Variants in MCC observed in about 807,000 individuals in gnomAD.
MCC encodes the protein MCC regulator of Wnt signaling pathway, also known as colorectal mutant cancer protein.
Under a neutral mutation model 116.2 loss-of-function variants are expected in MCC, and 90 were observed. The observed-to-expected ratio is 0.77, with a 90% CI of 0.65 to 0.92. The LOEUF is 0.92. Among genes scored for constraint, MCC ranks in the 40% least tolerant of loss-of-function variants. The pLI is 0.00. For synonymous variants in MCC, 578 were observed against 510.5 expected, an observed-to-expected ratio of 1.13 and a Z score of -1.78; for missense variants, 1,516 against 1,312.2, an observed-to-expected ratio of 1.16 and a Z score of -2.40.
chr5:113,458,829 G>T (rs1771656219), intron 1 of MCC, among the ~76,000 whole-genome samples: 1 of 152,146 alleles, frequency 6.6e-6, no homozygotes, highest in Non-Finnish European at 1.5e-5. Context: ...ACCCAAAGTG[G>T]TCTGCCTTGT....
intron 3 of MCC, among the ~76,000 whole-genome samples, chr5:113,317,165 C>T (rs1230913227): frequency 6.6e-6 from 1 of 152,144 alleles, no homozygotes; most frequent in Non-Finnish European, 1.5e-5. Context: ...AGTGAAGGAA[C>T]TTGATTAAAC....
intron 3 of MCC, among the ~76,000 whole-genome samples, chr5:113,333,956 TTAC>T (rs951104678): frequency 4.2e-5 from 6 of 142,580 alleles, no homozygotes; most frequent in Non-Finnish European, 9.0e-5. Context: ...AGACAAATGA[TTAC>T]TTTTACTTTT....
chr5:113,101,740 C>G lies in MCC; in HGVS notation c.1397G>C (p.Arg466Thr). 6.2e-7 allele frequency: 1 copy of G among 1,613,102 alleles called. No homozygotes were observed. Among genetic ancestry groups the G allele is most frequent in the Non-Finnish European group, 8.5e-7 (1 of 1,180,040 alleles). The stretch of plus-strand genomic sequence containing the variant: ...CCATTATGGATGCAGCATGCTCACC[C>G]TCCTCCGGAGCCGGTCCCGCTCTTC... ...IREERDRLRR[R>T]VRELQTRLQS... The change falls in exon 8 of 19, where the codon AGG becomes ACG. Residue 466 changes from arginine (R) to threonine (T), a missense_variant and splice_region_variant. Arg to Thr is a moderately conservative substitution (Grantham distance 71, BLOSUM62 -1). Coordinates refer to ENST00000408903, the MANE Select transcript of MCC (RefSeq NM_001085377.2).
intron 3 of MCC, among the ~76,000 whole-genome samples, chr5:113,239,411 G>T (rs1258824753): frequency 6.6e-6 from 1 of 152,084 alleles, no homozygotes; most frequent in African/African-American, 2.4e-5. Flanking sequence ...TCTCCAGGGG[G>T]TCCTCGCATG....
chr5:113,031,331 C>A (rs1750937870), intron 17 of MCC, among the ~76,000 whole-genome samples: 1 of 152,096 alleles, frequency 6.6e-6, no homozygotes, highest in Admixed American at 6.5e-5. Context: ...GGCTGCATTT[C>A]CTCCCGGCAT....
chr5:113,385,634 G>A (rs1170474100), intron 1 of MCC, among the ~76,000 whole-genome samples: 1 of 152,188 alleles, frequency 6.6e-6, no homozygotes, highest in Non-Finnish European at 1.5e-5. Flanking sequence ...AGTTATAAAA[G>A]AACCAACAGA....
chr5:113,237,078 T>A (rs910779581), intron 3 of MCC, among the ~76,000 whole-genome samples: 1 of 152,188 alleles, frequency 6.6e-6, no homozygotes, highest in Admixed American at 6.5e-5. Context: ...TACTTGCTAA[T>A]TGACTGAACT....
chr5:113,080,931 A>G (rs554484509), intron 11 of MCC, among the ~76,000 whole-genome samples: 2 of 151,514 alleles, frequency 1.3e-5, no homozygotes, highest in African/African-American at 4.8e-5. Flanking sequence ...TCTTTGGTCT[A>G]TTTTCCCTAA....
chr5:113,087,586 C>T (rs973768997), intron 8 of MCC, among the ~76,000 whole-genome samples: 6 of 152,086 alleles, frequency 3.9e-5, no homozygotes, highest in African/African-American at 4.8e-5. Context: ...GGAAACCTCC[C>T]GGTGGAGACT....
chr5:113,185,793 C>T (rs747161691), intron 3 of MCC, among the ~76,000 whole-genome samples: 38 of 152,094 alleles, frequency 2.5e-4, no homozygotes, highest in African/African-American at 5.6e-4. Context: ...TTCTAGTTCA[C>T]ACTAAATTCA....
At chr5:113,044,952 G>A (rs1030042624) in intron 16 of MCC, among the ~76,000 whole-genome samples, 2 of 152,190 alleles carry the variant, frequency 1.3e-5, no homozygotes, top group Non-Finnish European at 2.9e-5. Flanking sequence ...GTGGTCTCCC[G>A]AGGCAGTTCC....
At chr5:113,442,280 G>A (rs1461047781) in intron 1 of MCC, among the ~76,000 whole-genome samples, 3 of 152,112 alleles carry the variant, frequency 2.0e-5, no homozygotes, top group Non-Finnish European at 2.9e-5. Context: ...TCATATGTTT[G>A]TTGGCTGCAT....
chr5:113,042,902 C>T (rs1751815771), intron 17 of MCC, among the ~76,000 whole-genome samples: 1 of 151,926 alleles, frequency 6.6e-6, no homozygotes, highest in African/African-American at 2.4e-5. Context: ...TTTAATGTGG[C>T]TACTAGAAAA....
intron 5 of MCC, among the ~76,000 whole-genome samples, chr5:113,142,350 G>T (rs1759228736): frequency 6.6e-6 from 1 of 151,824 alleles, no homozygotes; most frequent in South Asian, 2.1e-4. Flanking sequence ...TGTTCCCGGA[G>T]CATCGCCAGG....
chr5:113,203,936 T>A (rs1581249084), intron 3 of MCC, among the ~76,000 whole-genome samples: 1 of 152,150 alleles, frequency 6.6e-6, no homozygotes, highest in Non-Finnish European at 1.5e-5. Flanking sequence ...CCATTCAGAT[T>A]CTTAAGAGCA....
intron 1 of MCC, among the ~76,000 whole-genome samples, chr5:113,438,483 T>C (rs1770931788): frequency 6.6e-6 from 1 of 152,056 alleles, no homozygotes; most frequent in South Asian, 2.1e-4. Context: ...ATAGGAAAAG[T>C]ATATAAGGAA....
intron 3 of MCC, among the ~76,000 whole-genome samples, chr5:113,202,769 G>A (rs1469933000): frequency 7.3e-6 from 1 of 136,610 alleles, no homozygotes; most frequent in Non-Finnish European, 1.5e-5. Context: ...CAATGCAGAT[G>A]AAAGTTTGCC....
chr5:113,361,923 T>C (rs1338431179), intron 2 of MCC, among the ~76,000 whole-genome samples: 2 of 152,164 alleles, frequency 1.3e-5, no homozygotes, highest in African/African-American at 4.8e-5. Context: ...AGTTACACCA[T>C]AGGCTCCTCT....
Position 113,434,466 on chromosome 5 carries a change from T to C in MCC, c.171-49254A>G. 3 of 1,613,718 alleles carry C rather than the reference T, an allele frequency of 1.9e-6. No homozygotes were observed. The highest frequency in any genetic ancestry group is 2.5e-6 in the Non-Finnish European group (3 of 1,179,786). On this transcript the variant is annotated intron_variant, in intron 1 of 18. Coordinates refer to ENST00000408903, the MANE Select transcript of MCC (RefSeq NM_001085377.2). The surrounding 1 kb of genome is among the most constrained non-coding windows in gnomAD (Gnocchi z 4.2). Reference sequence around the variant, plus strand: ...GACGACGTCCAGGTCGTGGCAGTACTTGATGGCCAAGGAAAGCTGGTGGAA... The same window carrying C: ...GACGACGTCCAGGTCGTGGCAGTACCTGATGGCCAAGGAAAGCTGGTGGAA...
Sources: gnomAD v4.1 joint callset for allele counts (sites outside exome capture counted in the v4.1 genomes callset) on GRCh38, gnomAD v4.1.1 for gene constraint, Gnocchi (gnomAD v3.1) non-coding constraint, MANE v1.5 for transcripts, NCBI Gene and HGNC (gene_info 2026-07-23, HGNC 2026-07-21) for gene names.